PDE4B: variants seen among roughly 807,000 people sequenced by gnomAD.
PDE4B encodes 3',5'-cyclic-AMP phosphodiesterase 4B.
A neutral mutation model predicts 82.2 loss-of-function variants in PDE4B; 20 were observed. The ratio of observed to expected loss-of-function variants is 0.24; its 90% confidence interval spans 0.17 to 0.35. The LOEUF (loss-of-function observed/expected upper bound fraction) is 0.35. Ranked by LOEUF, PDE4B falls within the 10% of genes least tolerant of loss-of-function variation. PDE4B has a pLI of 1.00. For missense variants in PDE4B, 655 were observed against 907.2 expected (o/e 0.72, Z 3.57); for synonymous variants, 320 against 318.9 (o/e 1.00, Z -0.04).
Position 65,992,728 on chromosome 1 carries a change from A to T in PDE4B, c.281+73893A>T, listed in dbSNP as rs1651312918. The T allele has an allele frequency of 8.1e-6, 11 of 1,353,102 alleles. No homozygotes were observed. The South Asian group carries it at 1.7e-4, about 21-fold the overall frequency. The allele number at this position is 1,353,102 out of a possible 1,614,324, so 83.8% of individuals were successfully genotyped here. On this transcript the variant is annotated intron_variant, in intron 3 of 16. Transcript: ENST00000341517. ...TGATAAAGCTCCTTGTGACAGCCTGACTTGCTATTCTTCGAGTATGCTGCT... is the reference window on the plus strand; with the variant it reads ...TGATAAAGCTCCTTGTGACAGCCTGTCTTGCTATTCTTCGAGTATGCTGCT...
At chr1:65,932,066 GC>G in intron 3 of PDE4B, among the ~76,000 whole-genome samples, 1 of 152,214 alleles carries the variant, frequency 6.6e-6, no homozygotes, top group African/African-American at 2.4e-5. Context: ...CTTGGCCAAT[GC>G]CCCAGTGTTT....
rs1313189772 is a variant in PDE4B at position 65,793,047 on chromosome 1, C to A, written c.-272C>A. On this transcript the variant is annotated 5_prime_UTR_variant, in exon 1 of 17. Coordinates refer to ENST00000341517, the MANE Select transcript of PDE4B (RefSeq NM_002600.4). ...CTGGCCTCGCCTCAGCGGCTGCAGGCTCTTCGTCGCGGGCCGGGCTGCACG... is the reference window on the plus strand; with the variant it reads ...CTGGCCTCGCCTCAGCGGCTGCAGGATCTTCGTCGCGGGCCGGGCTGCACG... 6.6e-6 allele frequency: 1 copy of A among 151,884 alleles called. No individual in the cohort carries two copies. Among genetic ancestry groups the A allele is most frequent in the Non-Finnish European group, 1.5e-5 (1 of 67,982 alleles). 9.4% of individuals were successfully genotyped at this position (151,884 alleles called of 1,614,324 possible). A position where few individuals can be genotyped will look rare whatever the true frequency, so the allele number is the denominator to read the frequency against.
intron 3 of PDE4B, among the ~76,000 whole-genome samples, chr1:66,146,210 G>GTC (rs1307934005): frequency 8.6e-6 from 1 of 115,650 alleles, no homozygotes; most frequent in African/African-American, 3.4e-5. Context: ...TTGAGACGGA[G>GTC]TCTCACTCTG....
chr1:66,280,224 G>C (rs72677252), intron 7 of PDE4B, among the ~76,000 whole-genome samples: 3,901 of 152,326 alleles, frequency 0.026, 68 homozygotes, highest in Middle Eastern at 0.068. Context: ...TAGTTCGAAA[G>C]ACCAGAAGCG....
intron 16 of PDE4B, 44 bp downstream of exon 16, chr1:66,369,013 T>C (rs1349517463): frequency 7.0e-6 from 10 of 1,433,882 alleles, no homozygotes. Context: ...GCTCTGCTGA[T>C]TATAGAGCTG....
intron 8 of PDE4B, among the ~76,000 whole-genome samples, chr1:66,352,828 T>C (rs964531835): frequency 3.9e-5 from 6 of 152,202 alleles, no homozygotes; most frequent in African/African-American, 1.2e-4. Flanking sequence ...ACAAACCTGA[T>C]TGACTCTAAA....
chr1:66,183,237 GA>G (rs1647108393), intron 3 of PDE4B, among the ~76,000 whole-genome samples: 3 of 152,142 alleles, frequency 2.0e-5, no homozygotes. Flanking sequence ...TTCCAGTAAA[GA>G]TTTTTTTGTT....
chr1:65,809,332 C>CAAAAAAAAAA (rs11366228), intron 1 of PDE4B, among the ~76,000 whole-genome samples: 1 of 72,514 alleles, frequency 1.4e-5, no homozygotes, highest in Non-Finnish European at 2.5e-5. Context: ...CTCCATCTCA[C>CAAAAAAAAAA]AAAAAAAAAA....
At chr1:65,978,856 C>T (rs555838550) in intron 3 of PDE4B, among the ~76,000 whole-genome samples, 1 of 152,296 alleles carries the variant, frequency 6.6e-6, no homozygotes, top group South Asian at 2.1e-4. Context: ...CTTGGCATCT[C>T]ATTCCTTTTT....
intron 7 of PDE4B, among the ~76,000 whole-genome samples, chr1:66,295,807 C>T (rs1424664315): frequency 6.6e-6 from 1 of 152,130 alleles, no homozygotes. Flanking sequence ...TTTCTATGTA[C>T]AACTTTCCAG....
chr1:66,159,445 A>G (rs1007864894), intron 3 of PDE4B, among the ~76,000 whole-genome samples: 3 of 150,124 alleles, frequency 2.0e-5, no homozygotes, highest in Non-Finnish European at 4.4e-5. Flanking sequence ...AAGGGGTTTC[A>G]CCATGTTGGC....
rs138030327 is a variant in PDE4B at position 65,918,629 on chromosome 1, T to C, written c.75T>C (p.Ser25=). 40 of 1,610,716 alleles carry C rather than the reference T, an allele frequency of 2.5e-5. No individual in the cohort carries two copies. The African/African-American group carries it at 3.5e-4, about 14-fold the overall frequency. Residue 25 remains serine (S), a synonymous_variant, in exon 3 of 17, where the codon AGT becomes AGC. Transcript: ENST00000341517. ...NVKDYFECSL[S]KSYSSSSNTL... is the part of the protein sequence containing the mutation. Reference sequence around the variant, plus strand: ...AAGATTATTTTGAATGTAGCTTGAGTAAATCCTACAGTTCTTCCAGTAACA... The same window carrying C: ...AAGATTATTTTGAATGTAGCTTGAGCAAATCCTACAGTTCTTCCAGTAACA...
intron 1 of PDE4B, among the ~76,000 whole-genome samples, chr1:65,819,671 T>C (rs1645930386): frequency 6.6e-6 from 1 of 152,052 alleles, no homozygotes; most frequent in African/African-American, 2.4e-5. Context: ...GGCTATTTTT[T>C]TGTATTTTTA....
At chr1:66,070,447 G>A (rs772942304) in intron 3 of PDE4B, among the ~76,000 whole-genome samples, 3 of 151,878 alleles carry the variant, frequency 2.0e-5, no homozygotes, top group Non-Finnish European at 2.9e-5. Context: ...AGCTGGGGGC[G>A]GTGAAAGGTG....
chr1:65,906,169 A>T (rs1003266796), intron 1 of PDE4B, among the ~76,000 whole-genome samples: 8 of 152,160 alleles, frequency 5.3e-5, no homozygotes, highest in Admixed American at 3.3e-4. Context: ...AAATTTGAGC[A>T]TGAGCAGATG....
intron 3 of PDE4B, among the ~76,000 whole-genome samples, chr1:66,201,634 G>A (rs1648962873): frequency 1.3e-5 from 2 of 151,152 alleles, no homozygotes; most frequent in African/African-American, 4.9e-5. Flanking sequence ...TATTTGCGTA[G>A]AGGTGTTTGT....
At chr1:66,269,100 A>G (rs1655274406) in intron 7 of PDE4B, among the ~76,000 whole-genome samples, 1 of 152,222 alleles carries the variant, frequency 6.6e-6, no homozygotes, top group East Asian at 1.9e-4. Context: ...TAATGAGCCA[A>G]TATTTTTATC....
intron 3 of PDE4B, among the ~76,000 whole-genome samples, chr1:66,089,043 ATTG>A (rs1644958056): frequency 6.6e-6 from 1 of 152,108 alleles, no homozygotes; most frequent in African/African-American, 2.4e-5. Flanking sequence ...TGAGATTGAC[ATTG>A]TTGTTATGAA....
intron 7 of PDE4B, among the ~76,000 whole-genome samples, chr1:66,321,570 A>G (rs1474456247): frequency 6.6e-6 from 1 of 152,158 alleles, no homozygotes; most frequent in Non-Finnish European, 1.5e-5. Flanking sequence ...TGGCAGGTTC[A>G]GTGTCTGAGG....
Sources: allele counts gnomAD v4.1 joint callset (sites outside exome capture counted in the v4.1 genomes callset), GRCh38; gene constraint gnomAD v4.1.1; transcripts MANE v1.5; gene names NCBI Gene and HGNC (gene_info 2026-07-23, HGNC 2026-07-21).